Variants in LNPEP observed in about 807,000 individuals in gnomAD.
The protein encoded by LNPEP is leucyl and cystinyl aminopeptidase.
A neutral mutation model predicts 120.6 loss-of-function variants in LNPEP; 64 were observed. The observed-to-expected ratio is 0.53, with a 90% confidence interval of 0.43 to 0.65. The LOEUF is 0.65. LNPEP is among the 30% of genes least tolerant of loss of function. The probability of loss-of-function intolerance (pLI) is 0.00; values close to 1 mark genes in which losing one functional copy is unlikely to be tolerated. For synonymous variants in LNPEP, 435 were observed against 425.4 expected, an observed-to-expected ratio of 1.02 and a Z score of -0.28; for missense variants, 1,057 against 1,200.0, an observed-to-expected ratio of 0.88 and a Z score of 1.76.
intron 1 of LNPEP, 98 bp downstream of exon 1, chr5:96,936,272 C>A: frequency 9.7e-7 from 1 of 1,029,254 alleles, no homozygotes; most frequent in Non-Finnish European, 1.3e-6. Context: ...CCGTCTCCCC[C>A]AACACCGCGG....
At chr5:96,956,391 G>A (rs566816342) in intron 1 of LNPEP, among the ~76,000 whole-genome samples, 45 of 152,234 alleles carry the variant, frequency 3.0e-4, no homozygotes, top group Non-Finnish European at 5.7e-4. Context: ...AGTGGCGCAC[G>A]CCTGTAGTCG....
chr5:96,969,372 G>C (rs1252544721), intron 1 of LNPEP, among the ~76,000 whole-genome samples: 1 of 151,860 alleles, frequency 6.6e-6, no homozygotes, highest in African/African-American at 2.4e-5. Flanking sequence ...TACTTGAAAG[G>C]AGAGGGAGAA....
chr5:96,972,476 C>T (rs1413624069), intron 1 of LNPEP, among the ~76,000 whole-genome samples: 1 of 152,080 alleles, frequency 6.6e-6, no homozygotes, highest in Non-Finnish European at 1.5e-5. Context: ...CAGCTACTTT[C>T]TTCTACACCT....
chr5:96,962,661 G>T (rs1300756422), intron 1 of LNPEP: 2 of 143,682 alleles, frequency 1.4e-5, no homozygotes, highest in East Asian at 2.0e-4. Context: ...TTTTTTTCAG[G>T]CTAGTCAAGT....
chr5:96,986,401 A>G (rs75121806), intron 3 of LNPEP, 138 bp from the exon 4 acceptor site: 24,240 of 795,622 alleles, frequency 0.03, 460 homozygotes, highest in Non-Finnish European at 0.038. Flanking sequence ...TGCTCTTTGC[A>G]GAAATTCATA....
At chr5:96,994,878 G>A (rs539426945) in intron 6 of LNPEP, among the ~76,000 whole-genome samples, 1 of 152,196 alleles carries the variant, frequency 6.6e-6, no homozygotes, top group African/African-American at 2.4e-5. Context: ...GAGAGGCGGA[G>A]GCAGGCGTAT....
chr5:96,956,792 C>T (rs1017985455), intron 1 of LNPEP, among the ~76,000 whole-genome samples: 1 of 152,116 alleles, frequency 6.6e-6, no homozygotes, highest in Admixed American at 6.5e-5. Flanking sequence ...TTGATATTGC[C>T]CTACATGTCC....
chr5:96,979,392 G>A lies in LNPEP; in HGVS notation c.274G>A (p.Ala92Thr). Residue 92 changes from alanine (A) to threonine (T), a missense_variant, in exon 2 of 18, where the codon GCA becomes ACA. By Grantham distance (58) the Ala-to-Thr change is moderately conservative. Coordinates refer to ENST00000231368, the MANE Select transcript of LNPEP (RefSeq NM_005575.3). ...TAGAAGCTCAGGCCTTCGGAACAGT[G>A]CAACTGGTTACAGGCAGAGCCCAGA... ...MNRSSGLRNS[A>T]TGYRQSPDGA... is the part of the protein sequence containing the mutation. The A allele has an allele frequency of 6.2e-7, 1 of 1,614,066 alleles. No individual in the cohort carries two copies. The highest frequency in any genetic ancestry group is 8.5e-7 in the Non-Finnish European group (1 of 1,179,980).
At position 97,001,570 on chromosome 5, in the gene LNPEP, G is replaced by A. The variant is rs182191095; in HGVS notation, c.1654-1845G>A. Among the ~76,000 whole-genome samples the A allele has an allele frequency of 2.0e-4, 30 of 152,212 alleles. No individual in the cohort carries two copies. In the East Asian group the frequency reaches 5.4e-3, roughly 27 times the overall value. Reference sequence around the variant, plus strand: ...AATCAGGGGATCATTTGGAAACCTTGGAGTTGGGAGATCAACTAGGAAGGA... The same window carrying A: ...AATCAGGGGATCATTTGGAAACCTTAGAGTTGGGAGATCAACTAGGAAGGA... On this transcript the variant is annotated intron_variant, in intron 8 of 17. Transcript: ENST00000231368.
chr5:96,993,136 G>A lies in LNPEP; in HGVS notation c.1252+1G>A. ...ATTCAGTACCCACTTAAGAAATTGG[G>A]TAAGAATCAAATAGTGTGTCTGATT... On this transcript the variant is annotated splice_donor_variant, in intron 5 of 17. Transcript: ENST00000231368. LOFTEE classifies it high-confidence loss of function. 1 of 1,571,506 alleles carries A rather than the reference G, an allele frequency of 6.4e-7. No homozygotes were observed. The highest frequency in any genetic ancestry group is 8.6e-7 in the Non-Finnish European group (1 of 1,156,468).
At position 97,028,851 on chromosome 5, in the gene LNPEP, G is replaced by A. The variant is rs1322604506; in HGVS notation, c.*318G>A. 4.7e-6 allele frequency: 1 copy of A among 214,400 alleles called. No homozygotes were observed. Among genetic ancestry groups the A allele is most frequent in the Non-Finnish European group, 9.3e-6 (1 of 107,858 alleles). 13.3% of individuals were successfully genotyped at this position (214,400 alleles called of 1,614,324 possible). A position where few individuals can be genotyped will look rare whatever the true frequency, so the allele number is the denominator to read the frequency against. On this transcript the variant is annotated 3_prime_UTR_variant, in exon 18 of 18. Coordinates refer to ENST00000231368, the MANE Select transcript of LNPEP (RefSeq NM_005575.3). Reference sequence around the variant, plus strand: ...TTTTGGAATTCTGTTCTATTCCTCAGTATCCAGAAAGTTACTGACACAGTA... The same window carrying A: ...TTTTGGAATTCTGTTCTATTCCTCAATATCCAGAAAGTTACTGACACAGTA...
At chr5:97,003,981 T>A (rs1790717778) in intron 9 of LNPEP, among the ~76,000 whole-genome samples, 1 of 152,220 alleles carries the variant, frequency 6.6e-6, no homozygotes, top group Non-Finnish European at 1.5e-5. Flanking sequence ...CCTTTGTGAC[T>A]GTTCCTCCAG....
intron 12 of LNPEP, 118 bp from the exon 13 acceptor site, chr5:97,014,821 A>T: frequency 1.8e-6 from 1 of 553,320 alleles, no homozygotes; most frequent in Non-Finnish European, 2.9e-6. Context: ...ATGCCACTGT[A>T]AGTTTAAATT....
At chr5:97,010,458 G>A in intron 11 of LNPEP, 1 of 985,336 alleles carries the variant, frequency 1.0e-6, no homozygotes, top group Non-Finnish European at 1.2e-6. Flanking sequence ...GAGAAAGAAA[G>A]GGGTATTAGA....
chr5:97,030,916 A>C lies in LNPEP; in HGVS notation c.*2383A>C, dbSNP rs139466376. 4.6e-5 allele frequency: 7 copies of C among 152,084 alleles called. No individual in the cohort carries two copies. The highest frequency in any genetic ancestry group is 1.7e-4 in the African/African-American group (7 of 41,466). The allele number at this position is 152,084 out of a possible 1,614,324, so 9.4% of individuals were successfully genotyped here. ...TGTTGAACTAACCCATCTATATAGG[A>C]CTTCTAAAAACTACGTCAGGAATGT... On this transcript the variant is annotated 3_prime_UTR_variant, in exon 18 of 18. Coordinates refer to ENST00000231368, the MANE Select transcript of LNPEP (RefSeq NM_005575.3).
intron 11 of LNPEP, chr5:97,011,007 A>C (rs1304932623): frequency 1.0e-6 from 1 of 985,224 alleles, no homozygotes; most frequent in African/African-American, 1.7e-5. Context: ...TAATAATTTC[A>C]AGTATATTCC....
chr5:96,955,629 AAG>A (rs2112573270), intron 1 of LNPEP, among the ~76,000 whole-genome samples: 1 of 152,342 alleles, frequency 6.6e-6, no homozygotes, highest in South Asian at 2.1e-4. Context: ...AAAAAAGAAA[AAG>A]AAAAAAATTG....
intron 1 of LNPEP, among the ~76,000 whole-genome samples, chr5:96,940,532 A>AT (rs1056992619): frequency 2.4e-4 from 36 of 152,200 alleles, no homozygotes; most frequent in Admixed American, 1.3e-4. Context: ...TGTCATGCTA[A>AT]TATGAAATAT....
intron 1 of LNPEP, chr5:96,936,638 G>C (rs1788890359): frequency 6.5e-6 from 1 of 153,322 alleles, no homozygotes; most frequent in Non-Finnish European, 1.5e-5. Flanking sequence ...AATAGGGCGG[G>C]GTGGGGGTGG....
Sources: allele counts gnomAD v4.1 joint callset (sites outside exome capture counted in the v4.1 genomes callset), GRCh38; gene constraint gnomAD v4.1.1; transcripts MANE v1.5; gene names NCBI Gene and HGNC (gene_info 2026-07-23, HGNC 2026-07-21).